Variants in HDAC3 observed in about 807,000 individuals in gnomAD.
HDAC3 encodes histone deacetylase 3, also known as SMAP45.
In HDAC3, 21 loss-of-function variants were observed where a neutral mutation model predicts 62.3. The ratio of observed to expected loss-of-function variants is 0.34; its 90% CI spans 0.24 to 0.49. The LOEUF (loss-of-function observed/expected upper bound fraction) is 0.49. Among genes scored for constraint, HDAC3 ranks in the 20% least tolerant of loss-of-function variants. The probability of loss-of-function intolerance (pLI) is 0.99; values close to 1 mark genes in which losing one functional copy is unlikely to be tolerated. For missense variants in HDAC3, 270 were observed against 556.9 expected (o/e 0.48, Z 5.19); for synonymous variants, 198 against 206.5 (o/e 0.96, Z 0.35).
In HDAC3 at chr5:141,621,661, G is replaced by A. The variant is rs2099903720; in HGVS notation, c.1218-124C>T. ...ACTCCTCCTCTTGTTGGTAGAGACT[G>A]CTATTCATTCACCCATTCACGTATC... On this transcript the variant is annotated intron_variant, in intron 14 of 14. Coordinates refer to ENST00000305264, the MANE Select transcript of HDAC3 (RefSeq NM_003883.4). 5 of 712,364 alleles carry A rather than the reference G, an allele frequency of 7.0e-6. No homozygotes were observed. The East Asian group carries it at 1.3e-4, about 18-fold the overall frequency. 44.1% of individuals were successfully genotyped at this position (712,364 alleles called of 1,614,324 possible).
At position 141,636,796 on chromosome 5, in the gene HDAC3, C is replaced by G. The variant is rs760382164; in HGVS notation, c.-6G>C. On this transcript the variant is annotated 5_prime_UTR_variant, in exon 1 of 15. Transcript: ENST00000305264. The stretch of plus-strand genomic sequence containing the variant: ...TAGGCCACGGTCTTGGCCATGGTGC[C>G]GGCGGGAGCAGGCCCCGCACCTCCG... 30 of 1,601,472 alleles carry G rather than the reference C, an allele frequency of 1.9e-5. No individual in the cohort carries two copies. Among genetic ancestry groups the G allele is most frequent in the Non-Finnish European group, 2.3e-5 (27 of 1,173,264 alleles).
chr5:141,621,573 C>CT (rs1474492382), intron 14 of HDAC3, 36 bp from the exon 15 acceptor site: 1 of 1,564,208 alleles, frequency 6.4e-7, no homozygotes. Context: ...GGATCTCACT[C>CT]TAAGTTCTAA....
At chr5:141,633,699 GCC>G (rs2099905552) in intron 3 of HDAC3, among the ~76,000 whole-genome samples, 1 of 151,492 alleles carries the variant, frequency 6.6e-6, no homozygotes, top group Admixed American at 6.6e-5. Flanking sequence ...GGTGGCAGGC[GCC>G]TGTAATCCCA....
chr5:141,629,723 T>G lies in HDAC3; in HGVS notation c.437A>C (p.Tyr146Ser), dbSNP rs1250061767. 6.2e-7 allele frequency: 1 copy of G among 1,614,102 alleles called. No individual in the cohort carries two copies. The highest frequency in any genetic ancestry group is 8.5e-7 in the Non-Finnish European group (1 of 1,180,016). ...AKKFEASGFC[Y>S]VNDIVIGILE... ...GATGCCAATCACAATGTCGTTGACA[T>G]AGCAGAAGCCAGAGGCCTATGGCAA... is the stretch of plus-strand genomic sequence containing the variant. Residue 146 changes from tyrosine to serine, a missense_variant, in exon 6 of 15, where the codon TAT becomes TCT. Transcript: ENST00000305264. The surrounding 1 kb of genome is among the most constrained non-coding windows in gnomAD (Gnocchi z 5.3).
At chr5:141,632,329 A>G (rs566067261) in intron 3 of HDAC3, among the ~76,000 whole-genome samples, 3 of 152,104 alleles carry the variant, frequency 2.0e-5, no homozygotes, top group South Asian at 2.1e-4. Context: ...CCGGCTTGGG[A>G]CTACTTTTTT....
chr5:141,621,234 C>A lies in HDAC3; in HGVS notation c.*234G>T. The A allele has an allele frequency of 2.0e-6, 1 of 502,602 alleles. No individual in the cohort carries two copies. The highest frequency in any genetic ancestry group is 3.6e-6 in the Non-Finnish European group (1 of 281,636). The allele number at this position is 502,602 out of a possible 1,614,324, so 31.1% of individuals were successfully genotyped here. A position where few individuals can be genotyped will look rare whatever the true frequency, so the allele number is the denominator to read the frequency against. Reference sequence around the variant, plus strand: ...TCCAGGGCCCACTGCCAATAATGTCCCAGATAGCTATCCTTGTCTGTATCT... The same window carrying A: ...TCCAGGGCCCACTGCCAATAATGTCACAGATAGCTATCCTTGTCTGTATCT... On this transcript the variant is annotated 3_prime_UTR_variant, in exon 15 of 15. Coordinates refer to ENST00000305264, the MANE Select transcript of HDAC3 (RefSeq NM_003883.4).
intron 3 of HDAC3, among the ~76,000 whole-genome samples, chr5:141,631,620 C>T (rs250793): frequency 1.1e-4 from 16 of 152,190 alleles, no homozygotes; most frequent in East Asian, 7.7e-4. Flanking sequence ...AATTGACAGA[C>T]GAAGAAATAG....
intron 14 of HDAC3, among the ~76,000 whole-genome samples, chr5:141,624,059 A>C (rs1003463601): frequency 5.9e-5 from 9 of 151,800 alleles, no homozygotes; most frequent in Non-Finnish European, 1.0e-4. Context: ...AAAAAAAAAA[A>C]AAACATAACC....
At chr5:141,622,653 G>C (rs1375518841) in intron 14 of HDAC3, among the ~76,000 whole-genome samples, 1 of 151,992 alleles carries the variant, frequency 6.6e-6, no homozygotes, top group Admixed American at 6.6e-5. Context: ...ACAGAGAATT[G>C]AGAAAGTCAT....
In HDAC3 at chr5:141,628,479, A is replaced by T; in HGVS notation, c.691+80T>A. 8.5e-7 allele frequency: 1 copy of T among 1,170,474 alleles called. No individual in the cohort carries two copies. The highest frequency in any genetic ancestry group is 1.3e-6 in the Non-Finnish European group (1 of 780,586). 72.5% of individuals were successfully genotyped at this position (1,170,474 alleles called of 1,614,324 possible). Reference sequence around the variant, plus strand: ...CCTTAAGGACAACTGGCCCAACAGCAGACAATACCAGGCAGAAGAGGTTAT... The same window carrying T: ...CCTTAAGGACAACTGGCCCAACAGCTGACAATACCAGGCAGAAGAGGTTAT... On this transcript the variant is annotated intron_variant, in intron 8 of 14. Coordinates refer to ENST00000305264, the MANE Select transcript of HDAC3 (RefSeq NM_003883.4). The surrounding 1 kb of genome is among the most constrained non-coding windows in gnomAD (Gnocchi z 4.7).
In HDAC3 at chr5:141,626,322, T is replaced by C; in HGVS notation, c.831-39A>G. 6.6e-7 allele frequency: 1 copy of C among 1,518,076 alleles called. No individual in the cohort carries two copies. The highest frequency in any genetic ancestry group is 9.1e-7 in the Non-Finnish European group (1 of 1,094,104). 94.0% of individuals were successfully genotyped at this position (1,518,076 alleles called of 1,614,324 possible). ...CCAGAGGAAGATGTGGAGGAGGTTA[T>C]CAAAAGACAAGGTAAATACCTTTAG... is the stretch of plus-strand genomic sequence containing the variant. On this transcript the variant is annotated intron_variant, in intron 10 of 14. Coordinates refer to ENST00000305264, the MANE Select transcript of HDAC3 (RefSeq NM_003883.4). The surrounding 1 kb of genome is among the most constrained non-coding windows in gnomAD (Gnocchi z 4.6).
chr5:141,628,951 C>CA lies in HDAC3; in HGVS notation c.610+221dup, dbSNP rs997214383. On this transcript the variant is annotated intron_variant, in intron 7 of 14. Transcript: ENST00000305264. This position sits in a 1 kb window ranked among gnomAD's most constrained non-coding sequence, Gnocchi z 4.7. ...GAGGGAGGCAGTAAACAAAACAAAACAAAAAACCACAATAAACACAAATAG... is the reference window on the plus strand; with the variant it reads ...GAGGGAGGCAGTAAACAAAACAAAACAAAAAAACCACAATAAACACAAATAG... Among the ~76,000 whole-genome samples the CA allele has an allele frequency of 1.3e-5, 2 of 152,060 alleles. No homozygotes were observed. Among genetic ancestry groups the CA allele is most frequent in the African/African-American group, 4.8e-5 (2 of 41,482 alleles).
chr5:141,636,715 T>C (rs1461013781), intron 1 of HDAC3, 21 bp downstream of exon 1: 2 of 1,613,818 alleles, frequency 1.2e-6, no homozygotes, highest in Admixed American at 1.7e-5. Flanking sequence ...CAACCCCTCA[T>C]GCATATCCCT....
In HDAC3 at chr5:141,628,882, G is replaced by A. The variant is rs531952241; in HGVS notation, c.611-243C>T. 2.6e-4 allele frequency among the ~76,000 whole-genome samples: 39 copies of A among 152,312 alleles called. No individual in the cohort carries two copies. Among genetic ancestry groups the A allele is most frequent in the African/African-American group, 9.4e-4 (39 of 41,574 alleles). ...AACGAATGGAACTAATGAAATTTAC[G>A]ATATCCCACCACGCTTATATTCTTA... On this transcript the variant is annotated intron_variant, in intron 7 of 14. Transcript: ENST00000305264. The surrounding 1 kb of genome is among the most constrained non-coding windows in gnomAD (Gnocchi z 4.7).
chr5:141,626,362 G>T lies in HDAC3; in HGVS notation c.831-79C>A. ...AATACCTTTAGGTATTGCCTGAAAG[G>T]AGCACAAGAAAACTATAAATGTTCT... On this transcript the variant is annotated intron_variant, in intron 10 of 14. Coordinates refer to ENST00000305264, the MANE Select transcript of HDAC3 (RefSeq NM_003883.4). The surrounding 1 kb of genome is among the most constrained non-coding windows in gnomAD (Gnocchi z 4.6). The T allele has an allele frequency of 2.0e-6, 2 of 995,422 alleles. No homozygotes were observed. Among genetic ancestry groups the T allele is most frequent in the South Asian group, 1.3e-5 (1 of 75,468 alleles). The allele number at this position is 995,422 out of a possible 1,614,324, so 61.7% of individuals were successfully genotyped here.
Position 141,625,052 on chromosome 5 carries a change from G to A in HDAC3, c.1217+156C>T, listed in dbSNP as rs373917796. 1.6e-5 allele frequency: 12 copies of A among 755,912 alleles called. No individual in the cohort carries two copies. Among genetic ancestry groups the A allele is most frequent in the African/African-American group, 3.5e-5 (2 of 56,440 alleles). 46.8% of individuals were successfully genotyped at this position (755,912 alleles called of 1,614,324 possible). A position where few individuals can be genotyped will look rare whatever the true frequency, so the allele number is the denominator to read the frequency against. ...TTTGCAATAAATACGTGTTACTTTT[G>A]TCATTAAAAATAACAAAGAAAAGAG... On this transcript the variant is annotated intron_variant, in intron 14 of 14. Transcript: ENST00000305264. The surrounding 1 kb of genome is among the most constrained non-coding windows in gnomAD (Gnocchi z 4.0).
intron 3 of HDAC3, among the ~76,000 whole-genome samples, chr5:141,630,712 T>G (rs1012679824): frequency 6.6e-6 from 1 of 152,224 alleles, no homozygotes; most frequent in African/African-American, 2.4e-5. Context: ...TCCATTTATG[T>G]AACATTCTGG....
chr5:141,627,994 A>G (rs1189319435), intron 9 of HDAC3, 37 bp from the exon 10 acceptor site: 1 of 1,609,484 alleles, frequency 6.2e-7, no homozygotes, highest in Non-Finnish European at 8.5e-7. Flanking sequence ...TGCAGTGATC[A>G]GAACTGATCA....
At position 141,626,068 on chromosome 5, in the gene HDAC3, T is replaced by C. The variant is rs773082470; in HGVS notation, c.924A>G (p.Thr308=). Residue 308 remains threonine (T), a synonymous_variant, in exon 12 of 15, where the codon ACA becomes ACG. Transcript: ENST00000305264. This position sits in a 1 kb window ranked among gnomAD's most constrained non-coding sequence, Gnocchi z 4.6. ...YTVRNVARCW[T]YETSLLVEEA... The stretch of plus-strand genomic sequence containing the variant: ...CTTCTACCAGCAGCGATGTCTCATA[T>C]GTCCTGAAACCAACCAGCAGAGGGG... The C allele has an allele frequency of 1.9e-6, 3 of 1,614,168 alleles. No homozygotes were observed. In the South Asian group the frequency reaches 3.3e-5, roughly 18 times the overall value.
Sources: allele counts gnomAD v4.1 joint callset (sites outside exome capture counted in the v4.1 genomes callset), GRCh38; gene constraint gnomAD v4.1.1; non-coding constraint Gnocchi (gnomAD v3.1); transcripts MANE v1.5; gene names NCBI Gene and HGNC (gene_info 2026-07-23, HGNC 2026-07-21).